The following ANKRD11 variants were observed in gnomAD, a reference collection of about 807,000 sequenced individuals.
ANKRD11 encodes ankyrin repeat domain 11.
ANKRD11 carries 17 observed loss-of-function variants against 195.7 expected under a neutral mutation model. That is an observed-to-expected ratio of 0.09 (90% CI 0.06 to 0.13). The LOEUF (loss-of-function observed/expected upper bound fraction) is 0.13, where lower values mean the gene tolerates loss of function less well. Among genes scored for constraint, ANKRD11 ranks in the 10% least tolerant of loss-of-function variants. The pLI, the probability that ANKRD11 is intolerant of heterozygous loss-of-function variation, is 1.00. For synonymous variants in ANKRD11, 1,953 were observed against 1,528.1 expected (o/e 1.28, Z -6.49); for missense variants, 3,735 against 3,566.1 (o/e 1.05, Z -1.21).
Position 89,282,554 on chromosome 16 carries a change from C to G in ANKRD11, c.3988G>C (p.Gly1330Arg). The change falls in exon 9 of 13, where the codon GGA (glycine) becomes CGA (arginine). Residue 1330 changes from glycine to arginine, a missense_variant. Transcript: ENST00000301030. The stretch of plus-strand genomic sequence containing the variant: ...GCGCTCTCCCTCGGCTTGTCGTCTC[C>G]AGGTGGCTCCGTGAAAGAGACCTCC... ...FLEVSFTEPP[G>R]DDKPRESACL... The G allele has an allele frequency of 1.2e-6, 2 of 1,614,082 alleles. No homozygotes were observed. Among genetic ancestry groups the G allele is most frequent in the Non-Finnish European group, 1.7e-6 (2 of 1,179,988 alleles).
intron 9 of ANKRD11, among the ~76,000 whole-genome samples, chr16:89,275,699 C>A (rs967496730): frequency 2.5e-4 from 38 of 152,176 alleles, no homozygotes; most frequent in Admixed American, 6.5e-5. Flanking sequence ...CACGCACTGG[C>A]CCAGGTCCCC....
Position 89,282,669 on chromosome 16 carries a change from C to G in ANKRD11, c.3873G>C (p.Glu1291Asp). The change falls in exon 9 of 13, where the codon GAG (glutamate) becomes GAC (aspartate). Residue 1291 changes from glutamate to aspartate, a missense_variant. Physicochemically the swap from Glu to Asp is conservative, Grantham distance 45 (BLOSUM62 2). Coordinates refer to ENST00000301030, the MANE Select transcript of ANKRD11 (RefSeq NM_013275.6). ...TTTTATCGTTGGAGTCTTCTCTGTA[C>G]TCATGGAGAGCCTCTTCTTCCAACT... ...LEKLEEEALH[E>D]YREDSNDKIS... 1.2e-6 allele frequency: 2 copies of G among 1,614,154 alleles called. No individual in the cohort carries two copies. Among genetic ancestry groups the G allele is most frequent in the Non-Finnish European group, 1.7e-6 (2 of 1,180,038 alleles).
intron 7 of ANKRD11, chr16:89,286,564 G>A (rs1023371216): frequency 1.9e-5 from 15 of 797,670 alleles, no homozygotes; most frequent in Non-Finnish European, 5.1e-6. Flanking sequence ...TCAGCAGAGT[G>A]GTGCCGGAGT....
intron 2 of ANKRD11, among the ~76,000 whole-genome samples, chr16:89,335,394 A>G (rs1052280492): frequency 2.0e-5 from 3 of 152,174 alleles, no homozygotes; most frequent in Non-Finnish European, 4.4e-5. Context: ...GAAGCATGGG[A>G]GCAGCTTGAG....
At chr16:89,463,037 C>T (rs868801462) in intron 1 of ANKRD11, among the ~76,000 whole-genome samples, 1 of 139,842 alleles carries the variant, frequency 7.2e-6, no homozygotes, top group African/African-American at 2.7e-5. Context: ...CCGCCCCATC[C>T]GGGAGGGAGG....
intron 1 of ANKRD11, among the ~76,000 whole-genome samples, chr16:89,421,967 C>T (rs575880916): frequency 5.3e-4 from 81 of 152,280 alleles, no homozygotes; most frequent in African/African-American, 1.7e-3. Context: ...GTCGGCTACA[C>T]GCATTCTGTG....
intron 2 of ANKRD11, chr16:89,373,256 A>G (rs1316247202): frequency 6.6e-6 from 1 of 152,224 alleles, no homozygotes; most frequent in Non-Finnish European, 1.5e-5. Flanking sequence ...AAAAACACCT[A>G]TTTCCAAAAT....
At chr16:89,347,528 G>A (rs1047607699) in intron 2 of ANKRD11, among the ~76,000 whole-genome samples, 3 of 150,756 alleles carry the variant, frequency 2.0e-5, no homozygotes, top group African/African-American at 2.4e-5. Flanking sequence ...GGAGAATGGC[G>A]TGAACCTGGG....
At chr16:89,386,563 G>C (rs2040920089) in intron 2 of ANKRD11, among the ~76,000 whole-genome samples, 2 of 152,200 alleles carry the variant, frequency 1.3e-5, no homozygotes, top group South Asian at 4.1e-4. Context: ...CAACGACCTT[G>C]CATCCTGCAA....
At chr16:89,301,438 A>G (rs2035847320) in intron 4 of ANKRD11, 1 of 397,050 alleles carries the variant, frequency 2.5e-6, no homozygotes, top group South Asian at 1.4e-4. Flanking sequence ...TCAAAAGCAG[A>G]TACAAGAGGC....
chr16:89,270,576 C>T (rs1004367736), intron 12 of ANKRD11: 9 of 549,662 alleles, frequency 1.6e-5, no homozygotes, highest in African/African-American at 1.1e-4. Flanking sequence ...GTTGAGCTGG[C>T]GACAGGAGCC....
intron 1 of ANKRD11, among the ~76,000 whole-genome samples, chr16:89,479,871 A>G (rs2057384738): frequency 6.8e-6 from 1 of 147,720 alleles, no homozygotes; most frequent in Non-Finnish European, 1.5e-5. Flanking sequence ...TGAACCTGGG[A>G]GTCGGAGCTT....
intron 2 of ANKRD11, among the ~76,000 whole-genome samples, chr16:89,357,890 C>A (rs528230887): frequency 6.6e-6 from 1 of 152,348 alleles, no homozygotes; most frequent in Admixed American, 6.5e-5. Flanking sequence ...CCTTTCCTTT[C>A]TTTTCCTATT....
intron 2 of ANKRD11, among the ~76,000 whole-genome samples, chr16:89,334,144 TAAAAAAAAA>T (rs869142504): frequency 4.3e-4 from 18 of 41,416 alleles, no homozygotes; most frequent in African/African-American, 1.5e-3. Flanking sequence ...CCCTGTGTTT[TAAAAAAAAA>T]AAAAAAAAAA....
At chr16:89,326,500 C>T (rs771413055) in intron 2 of ANKRD11, among the ~76,000 whole-genome samples, 3 of 152,064 alleles carry the variant, frequency 2.0e-5, no homozygotes, top group African/African-American at 7.2e-5. Context: ...GTCCCAGCTA[C>T]TCAGGAGGCC....
At chr16:89,430,672 C>T (rs1029432401) in intron 1 of ANKRD11, among the ~76,000 whole-genome samples, 3 of 152,240 alleles carry the variant, frequency 2.0e-5, no homozygotes, top group Non-Finnish European at 4.4e-5. Context: ...AGGCATTCCA[C>T]ACTGCAGGCT....
chr16:89,269,585 A>AGTTT (rs2032957295), intron 12 of ANKRD11, among the ~76,000 whole-genome samples: 1 of 151,564 alleles, frequency 6.6e-6, no homozygotes, highest in African/African-American at 2.4e-5. Context: ...GTGAGTTTCC[A>AGTTT]GTTTTGTTCC....
At chr16:89,310,096 T>C (rs2151894857) in intron 3 of ANKRD11, among the ~76,000 whole-genome samples, 1 of 152,386 alleles carries the variant, frequency 6.6e-6, no homozygotes, top group East Asian at 1.9e-4. Flanking sequence ...GAGCTCAATC[T>C]TTCTGGTAAG....
At position 89,290,804 on chromosome 16, in the gene ANKRD11, G is replaced by A. The variant is rs1198334380; in HGVS notation, c.422C>T (p.Ser141Phe). The change falls in exon 6 of 13, where the codon TCC becomes TTC. Residue 141 changes from serine (S) to phenylalanine (F), a missense_variant. By Grantham distance (155) the Ser-to-Phe change is radical. Transcript: ENST00000301030. ...TCCCTTCTGACACACTGTAGACTGG[G>A]AGGGGTGCTTTGGTGTTGTGTCCAC... is the stretch of plus-strand genomic sequence containing the variant. The part of the protein sequence containing the change: ...SPVDTTPKHP[S>F]QSTVCQKGTP... 1 of 1,613,938 alleles carries A rather than the reference G, an allele frequency of 6.2e-7. No homozygotes were observed. The highest frequency in any genetic ancestry group is 1.1e-5 in the South Asian group (1 of 91,082).
Sources: gnomAD v4.1 joint callset for allele counts (sites outside exome capture counted in the v4.1 genomes callset) on GRCh38, gnomAD v4.1.1 for gene constraint, MANE v1.5 for transcripts, NCBI Gene and HGNC (gene_info 2026-07-23, HGNC 2026-07-21) for gene names.